Variants in NPY2R observed in about 807,000 individuals in gnomAD.
NPY2R encodes neuropeptide Y receptor Y2.
In NPY2R, 17 loss-of-function variants were observed where a neutral mutation model predicts 22.3. That is an observed-to-expected ratio of 0.76 (90% CI 0.52 to 1.14). The LOEUF (loss-of-function observed/expected upper bound fraction) is 1.14. Among genes scored for constraint, NPY2R ranks in the 50% most tolerant of loss-of-function variants. The pLI, the probability that NPY2R is intolerant of heterozygous loss-of-function variation, is 0.00. For synonymous variants in NPY2R, 209 were observed against 183.4 expected (o/e 1.14, Z -1.13); for missense variants, 424 against 467.9 (o/e 0.91, Z 0.87).
upstream of NPY2R, chr4:155,208,086 C>T (rs1195716431): frequency 6.6e-6 from 1 of 152,238 alleles, no homozygotes; most frequent in African/African-American, 2.4e-5. The surrounding 1 kb of genome is among the most constrained non-coding windows in gnomAD (Gnocchi z 5.6). Flanking sequence ...GCGCCCCAGC[C>T]CTGGGCGAGG....
chr4:155,184,146 G>A, the NPY2R span, among the ~76,000 whole-genome samples: 968 of 152,060 alleles, frequency 6.4e-3, 16 homozygotes, highest in African/African-American at 0.022. Context: ...TCTTTCTATA[G>A]GTCTTTTTCA....
intron 1 of NPY2R, among the ~76,000 whole-genome samples, chr4:155,211,871 A>G (rs978129502): frequency 6.6e-6 from 1 of 152,208 alleles, no homozygotes; most frequent in Non-Finnish European, 1.5e-5. Context: ...TATGAAAACC[A>G]GAGCTACAGA....
At chr4:155,209,437 G>A (rs1165685199) in intron 1 of NPY2R, among the ~76,000 whole-genome samples, 3 of 152,310 alleles carry the variant, frequency 2.0e-5, no homozygotes, top group East Asian at 3.9e-4. Flanking sequence ...TCATTTAAGC[G>A]TTTGCTCATT....
the NPY2R span, among the ~76,000 whole-genome samples, chr4:155,186,873 G>T: frequency 2.6e-5 from 4 of 152,038 alleles, no homozygotes; most frequent in Admixed American, 2.0e-4. Context: ...ATAAACTTGG[G>T]TTCTTATATA....
the NPY2R span, among the ~76,000 whole-genome samples, chr4:155,188,141 A>T: frequency 6.6e-6 from 1 of 152,028 alleles, no homozygotes; most frequent in South Asian, 2.1e-4. Flanking sequence ...AACTAAATCC[A>T]TTATTATTTT....
At chr4:155,212,581 C>G (rs932077120) in intron 1 of NPY2R, among the ~76,000 whole-genome samples, 1 of 152,022 alleles carries the variant, frequency 6.6e-6, no homozygotes, top group Non-Finnish European at 1.5e-5. Context: ...TAAAGCCACC[C>G]CTGGCATTGA....
At chr4:155,174,305 ATGT>A in the NPY2R span, 1 of 151,638 alleles carries the variant, frequency 6.6e-6, no homozygotes, top group African/African-American at 2.4e-5. Context: ...AGGTATCTAA[ATGT>A]TGTCTCATTT....
upstream of NPY2R, among the ~76,000 whole-genome samples, chr4:155,204,286 C>CT (rs774420823): frequency 6.6e-6 from 1 of 151,818 alleles, no homozygotes; most frequent in Admixed American, 6.6e-5. Flanking sequence ...TTCTCTTGTG[C>CT]TTTTTTTTCC....
chr4:155,216,849 T>A lies in NPY2R; in HGVS notation c.*1764T>A, dbSNP rs1028981757. The A allele has an allele frequency of 4.8e-5, 8 of 167,082 alleles. No individual in the cohort carries two copies. The highest frequency in any genetic ancestry group is 1.9e-4 in the African/African-American group (8 of 41,464). The allele number at this position is 167,082 out of a possible 1,614,324, so 10.3% of individuals were successfully genotyped here. On this transcript the variant is annotated 3_prime_UTR_variant, in exon 2 of 2. Transcript: ENST00000329476. ...TCTTTTAAGTAGCAGTCACTTTGCT[T>A]AAGATGCTAATAGAAAACTGTGGTT... is the stretch of plus-strand genomic sequence containing the variant.
the NPY2R span, among the ~76,000 whole-genome samples, chr4:155,179,116 C>T: frequency 6.6e-6 from 1 of 151,922 alleles, no homozygotes; most frequent in Admixed American, 6.6e-5. Flanking sequence ...TTCATATGTG[C>T]CATTTTTTCT....
chr4:155,208,679 TCTC>T lies in NPY2R; in HGVS notation c.-434_-432del, dbSNP rs796119959. The T allele has an allele frequency of 2.0e-5, 3 of 152,550 alleles. No homozygotes were observed. Among genetic ancestry groups the T allele is most frequent in the Non-Finnish European group, 4.4e-5 (3 of 68,618 alleles). The allele number at this position is 152,550 out of a possible 1,614,324, so 9.4% of individuals were successfully genotyped here. A position where few individuals can be genotyped will look rare whatever the true frequency, so the allele number is the denominator to read the frequency against. ...TTCCTGCTCCCTCGCCACCAAAACT[TCTC>T]CTCCAGTCCCCTCCCCTGCAGGACC... is the stretch of plus-strand genomic sequence containing the variant. On this transcript the variant is annotated 5_prime_UTR_variant, in exon 1 of 2. Coordinates refer to ENST00000329476, the MANE Select transcript of NPY2R (RefSeq NM_000910.4). This position sits in a 1 kb window ranked among gnomAD's most constrained non-coding sequence, Gnocchi z 5.6.
At chr4:155,204,828 G>A (rs571771469), upstream of NPY2R, among the ~76,000 whole-genome samples, 3 of 131,970 alleles carry the variant, frequency 2.3e-5, no homozygotes, top group South Asian at 2.6e-4. Context: ...CACCACTTAC[G>A]CTCCCTATGT....
chr4:155,198,414 G>A, the NPY2R span, among the ~76,000 whole-genome samples: 11 of 147,692 alleles, frequency 7.4e-5, no homozygotes, highest in African/African-American at 9.9e-5. Context: ...TTATATATAT[G>A]TATATAAAAT....
chr4:155,182,435 A>G, the NPY2R span, among the ~76,000 whole-genome samples: 2 of 152,150 alleles, frequency 1.3e-5, no homozygotes, highest in Admixed American at 1.3e-4. Context: ...TAATTTAGTG[A>G]TAATTCAGAA....
chr4:155,213,424 T>C (rs1210410124), intron 1 of NPY2R, among the ~76,000 whole-genome samples: 1 of 152,216 alleles, frequency 6.6e-6, no homozygotes, highest in East Asian at 1.9e-4. Flanking sequence ...AGTTTTAATA[T>C]GTTCCCCTTT....
the NPY2R span, among the ~76,000 whole-genome samples, chr4:155,186,244 T>A: frequency 6.6e-6 from 1 of 152,168 alleles, no homozygotes; most frequent in Non-Finnish European, 1.5e-5. Context: ...TATAAAACAA[T>A]TTGTCAGACT....
the NPY2R span, among the ~76,000 whole-genome samples, chr4:155,184,710 C>G: frequency 6.6e-6 from 1 of 152,108 alleles, no homozygotes; most frequent in Non-Finnish European, 1.5e-5. Context: ...ATCTGAATAA[C>G]TGAGAATCAT....
chr4:155,192,520 A>C, the NPY2R span, among the ~76,000 whole-genome samples: 4 of 152,112 alleles, frequency 2.6e-5, no homozygotes, highest in Admixed American at 1.3e-4. Flanking sequence ...AACAAAAAAG[A>C]GTCCATTTCA....
chr4:155,182,110 C>T, the NPY2R span, among the ~76,000 whole-genome samples: 71,202 of 151,820 alleles, frequency 0.47, 17,414 homozygotes, highest in East Asian at 0.69. Context: ...ATGGGCTCCT[C>T]AAGACTAAAA....
Sources: gnomAD v4.1 joint callset for allele counts (sites outside exome capture counted in the v4.1 genomes callset) on GRCh38, gnomAD v4.1.1 for gene constraint, Gnocchi (gnomAD v3.1) non-coding constraint, MANE v1.5 for transcripts, NCBI Gene and HGNC (gene_info 2026-07-23, HGNC 2026-07-21) for gene names.